The following TRPC7 variants were observed in gnomAD, a reference collection of about 807,000 sequenced individuals.
TRPC7 encodes the protein short transient receptor potential channel 7.
In TRPC7, 42 loss-of-function variants were observed where a neutral mutation model predicts 90.1. The ratio of observed to expected loss-of-function variants is 0.47; its 90% CI spans 0.36 to 0.60. The LOEUF (loss-of-function observed/expected upper bound fraction) is 0.60, where lower values mean the gene tolerates loss of function less well. Among genes scored for constraint, TRPC7 ranks in the 20% least tolerant of loss-of-function variants. The pLI is 0.00. For missense variants in TRPC7, 955 were observed against 1,112.3 expected, an observed-to-expected ratio of 0.86 and a Z score of 2.01; for synonymous variants, 451 against 436.3, an observed-to-expected ratio of 1.03 and a Z score of -0.42.
chr5:136,318,207 A>G (rs1759089057), intron 2 of TRPC7, among the ~76,000 whole-genome samples: 1 of 152,202 alleles, frequency 6.6e-6, no homozygotes, highest in Non-Finnish European at 1.5e-5. Context: ...GAGCTCAATT[A>G]GCCTTCCAAG....
chr5:136,267,240 G>A (rs1757063146), intron 4 of TRPC7, among the ~76,000 whole-genome samples: 2 of 152,070 alleles, frequency 1.3e-5, no homozygotes, highest in Admixed American at 1.3e-4. Context: ...CCCATCCAAA[G>A]GCCACTTGGA....
At chr5:136,225,945 G>A (rs1389079946) in intron 9 of TRPC7, 89 bp downstream of exon 9, 1 of 1,118,804 alleles carries the variant, frequency 8.9e-7, no homozygotes, top group Non-Finnish European at 1.3e-6. Context: ...ATGGGGTGGG[G>A]GAGGGCAGCC....
chr5:136,319,820 T>C (rs2149840990), intron 2 of TRPC7, among the ~76,000 whole-genome samples: 1 of 152,338 alleles, frequency 6.6e-6, no homozygotes, highest in Non-Finnish European at 1.5e-5. Context: ...ATCTTTTTTC[T>C]GAATGACTAC....
chr5:136,364,734 A>G (rs889856991), intron 1 of TRPC7, among the ~76,000 whole-genome samples: 1 of 152,200 alleles, frequency 6.6e-6, no homozygotes, highest in African/African-American at 2.4e-5. Flanking sequence ...CATATTTGTT[A>G]TTTTGAAATG....
intron 7 of TRPC7, among the ~76,000 whole-genome samples, chr5:136,239,395 AT>A (rs968137651): frequency 2.0e-4 from 31 of 152,286 alleles, no homozygotes; most frequent in African/African-American, 6.3e-4. Context: ...AGATGCCCAT[AT>A]TTCAACACCG....
intron 2 of TRPC7, among the ~76,000 whole-genome samples, chr5:136,342,909 CAGAT>C (rs1759887978): frequency 1.3e-5 from 2 of 151,994 alleles, no homozygotes; most frequent in Non-Finnish European, 2.9e-5. Flanking sequence ...GAGAAATAGT[CAGAT>C]AGAACACTGG....
At chr5:136,279,092 C>T (rs190510588) in intron 3 of TRPC7, among the ~76,000 whole-genome samples, 105 of 152,224 alleles carry the variant, frequency 6.9e-4, no homozygotes, top group Admixed American at 3.5e-3. Context: ...TCAACTCTTA[C>T]GTTAGGTCTC....
intron 2 of TRPC7, among the ~76,000 whole-genome samples, chr5:136,349,767 A>G (rs566050440): frequency 6.6e-6 from 1 of 152,340 alleles, no homozygotes; most frequent in Non-Finnish European, 1.5e-5. Flanking sequence ...GGAGAAAACA[A>G]GTATTCCAGT....
At chr5:136,340,568 CTT>C (rs1283091477) in intron 2 of TRPC7, among the ~76,000 whole-genome samples, 1 of 151,992 alleles carries the variant, frequency 6.6e-6, no homozygotes, top group Admixed American at 6.5e-5. Flanking sequence ...AATATATACA[CTT>C]ATTATTTACC....
In TRPC7 at chr5:136,274,557, A is replaced by C. The variant is rs1757300988; in HGVS notation, c.1128+116T>G. Reference sequence around the variant, plus strand: ...TACTTTCACCGGGTATCTCAGGAATATTTTCTTTAAATATGGGAAAAAATC... The same window carrying C: ...TACTTTCACCGGGTATCTCAGGAATCTTTTCTTTAAATATGGGAAAAAATC... On this transcript the variant is annotated intron_variant, in intron 4 of 11. Coordinates refer to ENST00000513104, the MANE Select transcript of TRPC7 (RefSeq NM_020389.3). 1.3e-5 allele frequency: 15 copies of C among 1,162,980 alleles called. No individual in the cohort carries two copies. In the South Asian group the frequency reaches 4.7e-4, roughly 36 times the overall value. 72.0% of individuals were successfully genotyped at this position (1,162,980 alleles called of 1,614,324 possible).
chr5:136,226,511 C>T (rs1561678691), intron 8 of TRPC7: 1 of 501,412 alleles, frequency 2.0e-6, no homozygotes, highest in African/African-American at 1.9e-5. Flanking sequence ...CGCCCCTACC[C>T]TCCACTGGGT....
chr5:136,272,774 A>G (rs1757246862), intron 4 of TRPC7, among the ~76,000 whole-genome samples: 1 of 152,150 alleles, frequency 6.6e-6, no homozygotes, highest in Non-Finnish European at 1.5e-5. Flanking sequence ...ACTTCCCTGC[A>G]ACTGTTTCCT....
intron 3 of TRPC7, among the ~76,000 whole-genome samples, chr5:136,294,935 T>C (rs949423107): frequency 1.3e-5 from 2 of 152,204 alleles, no homozygotes; most frequent in African/African-American, 4.8e-5. Context: ...GTGGCACATA[T>C]ACACCATTGA....
intron 3 of TRPC7, among the ~76,000 whole-genome samples, chr5:136,301,332 A>ATTTTTTTTTTTTTTT (rs368799815): frequency 1.2e-5 from 1 of 85,710 alleles, no homozygotes; most frequent in Non-Finnish European, 2.2e-5. Flanking sequence ...CAGCCCAGGC[A>ATTTTTTTTTTTTTTT]TTTTTTTTTT....
intron 1 of TRPC7, among the ~76,000 whole-genome samples, chr5:136,363,983 G>C (rs1204241595): frequency 6.6e-6 from 1 of 152,126 alleles, no homozygotes; most frequent in Non-Finnish European, 1.5e-5. Flanking sequence ...ATAGATATGT[G>C]TAACCTTTTG....
chr5:136,357,685 T>C (rs1354461184), intron 1 of TRPC7, among the ~76,000 whole-genome samples: 1 of 152,026 alleles, frequency 6.6e-6, no homozygotes, highest in African/African-American at 2.4e-5. Flanking sequence ...GGCTGGGGCG[T>C]AGGGTGGTGG....
chr5:136,263,910 T>C (rs534196496), intron 5 of TRPC7, among the ~76,000 whole-genome samples: 132 of 152,336 alleles, frequency 8.7e-4, no homozygotes, highest in African/African-American at 2.9e-3. Context: ...TTGCTAACTG[T>C]TGAACATGAG....
chr5:136,359,824 A>C (rs891259495), intron 1 of TRPC7, among the ~76,000 whole-genome samples: 1 of 152,124 alleles, frequency 6.6e-6, no homozygotes, highest in South Asian at 2.1e-4. Flanking sequence ...AAGAAGACTA[A>C]TAATAATCTT....
chr5:136,215,922 T>TG (rs1195172424), intron 11 of TRPC7, among the ~76,000 whole-genome samples: 1 of 151,946 alleles, frequency 6.6e-6, no homozygotes, highest in Non-Finnish European at 1.5e-5. Context: ...TGAGGGTGCC[T>TG]GATGCCTGCT....
Sources: allele counts gnomAD v4.1 joint callset (sites outside exome capture counted in the v4.1 genomes callset), GRCh38; gene constraint gnomAD v4.1.1; transcripts MANE v1.5; gene names NCBI Gene and HGNC (gene_info 2026-07-23, HGNC 2026-07-21).